RANBP3: variants seen among roughly 807,000 people sequenced by gnomAD.
RANBP3 encodes RAN binding protein 3, also known as ran-binding protein 3.
Under a neutral mutation model 77.3 loss-of-function variants are expected in RANBP3, and 14 were observed. The observed-to-expected ratio is 0.18, with a 90% confidence interval of 0.12 to 0.28. The LOEUF (loss-of-function observed/expected upper bound fraction) is 0.28, where lower values mean the gene tolerates loss of function less well. Ranked by LOEUF, RANBP3 falls within the 10% of genes least tolerant of loss-of-function variation. The pLI is 1.00. For missense variants in RANBP3, 586 were observed against 752.3 expected (o/e 0.78, Z 2.59); for synonymous variants, 315 against 312.4 (o/e 1.01, Z -0.09).
At chr19:5,947,705 C>T (rs1439792696) in intron 3 of RANBP3, among the ~76,000 whole-genome samples, 2 of 152,316 alleles carry the variant, frequency 1.3e-5, no homozygotes, top group African/African-American at 2.4e-5. Flanking sequence ...TGGTCGGGAG[C>T]GAGCACTGTG....
At position 5,951,476 on chromosome 19, in the gene RANBP3, C is replaced by T. The variant is rs2058274185; in HGVS notation, c.199G>A (p.Ala67Thr). The change falls in exon 3 of 17, where the codon GCC becomes ACC. Residue 67 changes from alanine to threonine, a missense_variant. Ala to Thr is a moderately conservative substitution (Grantham distance 58). This residue lies in a region of RANBP3 where 172 missense variants were observed against 183.4 expected (regional missense o/e 0.94). Transcript: ENST00000340578. ...SAGEHALEPP[A>T]PAGASASTPP... ...GTGCTGGCTGAGGCGCCAGCAGGGG[C>T]AGGAGGTTCTAGGGCATGCTCGCCA... 6.2e-7 allele frequency: 1 copy of T among 1,609,956 alleles called. No individual in the cohort carries two copies. The highest frequency in any genetic ancestry group is 8.5e-7 in the Non-Finnish European group (1 of 1,178,152).
chr19:5,937,902 T>A (rs965937340), intron 5 of RANBP3, among the ~76,000 whole-genome samples: 13 of 152,122 alleles, frequency 8.5e-5, no homozygotes, highest in African/African-American at 3.1e-4. Context: ...ACGGCTTTAG[T>A]AACTGATCAC....
intron 8 of RANBP3, among the ~76,000 whole-genome samples, chr19:5,929,436 C>T (rs1254007540): frequency 6.6e-6 from 1 of 152,064 alleles, no homozygotes; most frequent in Non-Finnish European, 1.5e-5. Context: ...GGGTGGAGCC[C>T]ACAGAGTCAC....
At chr19:5,938,866 A>T (rs1424613968) in intron 5 of RANBP3, among the ~76,000 whole-genome samples, 1 of 151,806 alleles carries the variant, frequency 6.6e-6, no homozygotes, top group Non-Finnish European at 1.5e-5. Context: ...TTTTAGTTGA[A>T]ATATTTCTGA....
At chr19:5,974,519 C>T (rs1006837611) in intron 1 of RANBP3, 1 of 152,152 alleles carries the variant, frequency 6.6e-6, no homozygotes, top group Non-Finnish European at 1.5e-5. Context: ...AAGGGTGAAA[C>T]ATGCACACAC....
chr19:5,921,181 C>A lies in RANBP3; in HGVS notation c.1330+20G>T, dbSNP rs751142060. The A allele has an allele frequency of 6.2e-7, 1 of 1,603,408 alleles. No homozygotes were observed. Among genetic ancestry groups the A allele is most frequent in the Non-Finnish European group, 8.5e-7 (1 of 1,175,946 alleles). On this transcript the variant is annotated intron_variant, in intron 14 of 16. Transcript: ENST00000340578. This position sits in a 1 kb window ranked among gnomAD's most constrained non-coding sequence, Gnocchi z 5.3. ...CTCCCCATGGGGACCCGGCCACAGC[C>A]CCCGCCGTCGGCAGCTCACCTAGTC...
rs769694709 is a variant in RANBP3, at chr19:5,931,534, G to A, written c.566-3C>T. On this transcript the variant is annotated splice_polypyrimidine_tract_variant and splice_region_variant and intron_variant, in intron 7 of 16. Coordinates refer to ENST00000340578, the MANE Select transcript of RANBP3 (RefSeq NM_007322.3). ...CCCGTTGGTGCCACTGCTGGGGACT[G>A]TGGGAGGGAAGGAGAGTGGGGAATC... 1.1e-5 allele frequency: 17 copies of A among 1,604,944 alleles called. No homozygotes were observed. The Admixed American group carries it at 2.9e-4, about 27-fold the overall frequency.
chr19:5,929,912 G>T (rs1447576420), intron 8 of RANBP3, among the ~76,000 whole-genome samples: 1 of 152,176 alleles, frequency 6.6e-6, no homozygotes, highest in Non-Finnish European at 1.5e-5. Context: ...GGGAATGGCA[G>T]CCAGCACATC....
intron 1 of RANBP3, among the ~76,000 whole-genome samples, chr19:5,962,890 C>G (rs1180936685): frequency 6.6e-6 from 1 of 152,134 alleles, no homozygotes; most frequent in Admixed American, 6.5e-5. Context: ...CATTCCCTAT[C>G]ACCAGGCTGA....
intron 5 of RANBP3, among the ~76,000 whole-genome samples, chr19:5,939,078 G>C (rs372507373): frequency 1.3e-5 from 2 of 152,018 alleles, no homozygotes; most frequent in African/African-American, 4.8e-5. Context: ...CCAGCTACTC[G>C]GGAAGCTGAG....
At chr19:5,972,067 AC>A (rs1267864459) in intron 1 of RANBP3, among the ~76,000 whole-genome samples, 1 of 152,262 alleles carries the variant, frequency 6.6e-6, no homozygotes, top group African/African-American at 2.4e-5. Context: ...CTAATTACAA[AC>A]AAAAACCTAA....
intron 15 of RANBP3, 109 bp downstream of exon 15, chr19:5,918,387 A>AGGGGGGGGGGGGGGGGGGGGGGGGGGGG: frequency 7.5e-6 from 4 of 529,920 alleles, no homozygotes; most frequent in Non-Finnish European, 6.1e-6. Context: ...AAGCAACTGA[A>AGGGGGGGGGGGGGGGGGGGGGGGGGGGG]GCCCCTCCCC....
intron 9 of RANBP3, among the ~76,000 whole-genome samples, chr19:5,926,842 A>G (rs908242321): frequency 9.9e-5 from 15 of 152,108 alleles, no homozygotes; most frequent in African/African-American, 2.7e-4. Context: ...ACGTTTCTCG[A>G]CTTGGGCTTC....
In RANBP3 at chr19:5,942,762, G is replaced by A. The variant is rs556826634; in HGVS notation, c.283-927C>T. On this transcript the variant is annotated intron_variant, in intron 3 of 16. Coordinates refer to ENST00000340578, the MANE Select transcript of RANBP3 (RefSeq NM_007322.3). ...GGACTGGGTGCAGTGGCTCATGCCT[G>A]TAATCCCAGCACTTTGGGAAGCTGA... Among the ~76,000 whole-genome samples, 4 of 151,282 alleles carry A rather than the reference G, an allele frequency of 2.6e-5. No homozygotes were observed. The South Asian group carries it at 6.3e-4, about 24-fold the overall frequency.
intron 2 of RANBP3, among the ~76,000 whole-genome samples, chr19:5,954,017 C>T (rs1024288134): frequency 6.6e-6 from 1 of 152,202 alleles, no homozygotes; most frequent in African/African-American, 2.4e-5. Context: ...GACACATCAA[C>T]GGGACCCACA....
At chr19:5,936,895 G>T (rs934798033) in intron 5 of RANBP3, among the ~76,000 whole-genome samples, 4 of 151,530 alleles carry the variant, frequency 2.6e-5, no homozygotes, top group Non-Finnish European at 5.9e-5. Context: ...AACGCGGCAG[G>T]GATGGTGCTC....
At chr19:5,942,517 A>G (rs1396851565) in intron 3 of RANBP3, among the ~76,000 whole-genome samples, 1 of 152,124 alleles carries the variant, frequency 6.6e-6, no homozygotes, top group East Asian at 1.9e-4. Context: ...AGCCTGACCA[A>G]CATGGTGAAA....
At chr19:5,936,351 A>G (rs1260730674) in intron 5 of RANBP3, among the ~76,000 whole-genome samples, 1 of 152,190 alleles carries the variant, frequency 6.6e-6, no homozygotes, top group African/African-American at 2.4e-5. Flanking sequence ...CTCCACATGC[A>G]GGCAGGCAGG....
rs901921395 is a variant in RANBP3, at chr19:5,924,266, G to A, written c.997-352C>T. Among the ~76,000 whole-genome samples, 3 of 152,228 alleles carry A rather than the reference G, an allele frequency of 2.0e-5. No homozygotes were observed. Among genetic ancestry groups the A allele is most frequent in the African/African-American group, 7.2e-5 (3 of 41,460 alleles). On this transcript the variant is annotated intron_variant, in intron 11 of 16. Transcript: ENST00000340578. The surrounding 1 kb of genome is among the most constrained non-coding windows in gnomAD (Gnocchi z 4.7). Reference sequence around the variant, plus strand: ...CCAGACAGAGCTAGAGTGACCAGGCGGCTCAGGACAGGCCCTCACGCAGTC... The same window carrying A: ...CCAGACAGAGCTAGAGTGACCAGGCAGCTCAGGACAGGCCCTCACGCAGTC...
Sources: allele counts gnomAD v4.1 joint callset (sites outside exome capture counted in the v4.1 genomes callset), GRCh38; gene constraint gnomAD v4.1.1; regional missense constraint gnomAD v4.1.1; non-coding constraint Gnocchi (gnomAD v3.1); transcripts MANE v1.5; gene names NCBI Gene and HGNC (gene_info 2026-07-23, HGNC 2026-07-21).